Variants in CSMD1 observed in about 807,000 individuals in gnomAD.
CSMD1 encodes the protein CUB and Sushi multiple domains 1.
CSMD1 carries 213 observed loss-of-function variants against 417.5 expected under a neutral mutation model. The observed-to-expected ratio is 0.51, with a 90% CI of 0.46 to 0.57. CSMD1 has a LOEUF of 0.57. Ranked by LOEUF, CSMD1 falls within the 20% of genes least tolerant of loss-of-function variation. The pLI, the probability that CSMD1 is intolerant of heterozygous loss-of-function variation, is 0.00. For missense variants in CSMD1, 6,923 were observed against 4,529.7 expected (o/e 1.53, Z -15.17); for synonymous variants, 2,862 against 1,736.8 (o/e 1.65, Z -16.11).
chr8:3,065,438 T>C lies in CSMD1; in HGVS notation c.7475-12791A>G, dbSNP rs140744003. Reference sequence around the variant, plus strand: ...AATCAGTAGAGAGATGATAGGAAGATAGATACATACAGAGAGATATAGATA... The same window carrying C: ...AATCAGTAGAGAGATGATAGGAAGACAGATACATACAGAGAGATATAGATA... On this transcript the variant is annotated intron_variant, in intron 49 of 69. Coordinates refer to ENST00000635120, the MANE Select transcript of CSMD1 (RefSeq NM_033225.6). Among the ~76,000 whole-genome samples, 71 of 151,878 alleles carry C rather than the reference T, an allele frequency of 4.7e-4. 1 individual carries two copies. The highest frequency in any genetic ancestry group is 1.5e-3 in the South Asian group (7 of 4,810).
intron 50 of CSMD1, among the ~76,000 whole-genome samples, chr8:3,037,183 C>T (rs549251008): frequency 3.3e-5 from 5 of 152,006 alleles, no homozygotes; most frequent in African/African-American, 4.8e-5. Flanking sequence ...AGCAGTATTT[C>T]ATAGTGCATA....
intron 5 of CSMD1, among the ~76,000 whole-genome samples, chr8:3,771,266 G>C (rs116387255): frequency 1.3e-5 from 2 of 152,274 alleles, no homozygotes; most frequent in African/African-American, 4.8e-5. Context: ...CTTGCTTTGA[G>C]GTTAGGTCCA....
At chr8:4,033,754 T>C (rs1182622538) in intron 3 of CSMD1, among the ~76,000 whole-genome samples, 1 of 152,214 alleles carries the variant, frequency 6.6e-6, no homozygotes, top group East Asian at 1.9e-4. Flanking sequence ...GTATTGATTC[T>C]GTTCTTTTTG....
At chr8:3,851,058 T>A (rs1030195150) in intron 5 of CSMD1, among the ~76,000 whole-genome samples, 16 of 152,210 alleles carry the variant, frequency 1.1e-4, no homozygotes, top group African/African-American at 3.9e-4. Flanking sequence ...GAAATGAATG[T>A]AGAAGGAATA....
At chr8:3,284,869 T>C (rs1257567803) in intron 25 of CSMD1, among the ~76,000 whole-genome samples, 1 of 152,232 alleles carries the variant, frequency 6.6e-6, no homozygotes, top group Non-Finnish European at 1.5e-5. Flanking sequence ...CTAAAAATTA[T>C]ATTTTAAAAC....
intron 5 of CSMD1, among the ~76,000 whole-genome samples, chr8:3,896,849 G>C (rs74645193): frequency 7.2e-5 from 11 of 151,914 alleles, no homozygotes; most frequent in Admixed American, 3.3e-4. Flanking sequence ...TAAATGTCAG[G>C]AAAAAAATTT....
chr8:3,316,403 C>T (rs1178746320), intron 23 of CSMD1, among the ~76,000 whole-genome samples: 7 of 152,170 alleles, frequency 4.6e-5, no homozygotes, highest in African/African-American at 1.4e-4. Flanking sequence ...CTATCTTCCC[C>T]TGTCTAATGA....
At chr8:3,174,331 T>A (rs1056683114) in intron 37 of CSMD1, among the ~76,000 whole-genome samples, 3 of 152,128 alleles carry the variant, frequency 2.0e-5, no homozygotes, top group African/African-American at 7.2e-5. Context: ...CTGTATCTAT[T>A]AAGAATACAA....
chr8:3,603,191 C>T (rs915328676), intron 8 of CSMD1, among the ~76,000 whole-genome samples: 2 of 152,164 alleles, frequency 1.3e-5, no homozygotes. Context: ...GCAGTTGATG[C>T]TCTTTGAAAG....
intron 7 of CSMD1, among the ~76,000 whole-genome samples, chr8:3,672,061 C>T (rs2094362928): frequency 6.6e-6 from 1 of 152,134 alleles, no homozygotes; most frequent in African/African-American, 2.4e-5. Context: ...AAGTCAACAT[C>T]TTATCTTACT....
chr8:4,118,363 T>A (rs1426249963), intron 3 of CSMD1, among the ~76,000 whole-genome samples: 1 of 150,352 alleles, frequency 6.7e-6, no homozygotes, highest in East Asian at 2.0e-4. Context: ...CTGACAAATG[T>A]CTAACATCCA....
At chr8:4,175,985 C>T (rs113276381) in intron 3 of CSMD1, among the ~76,000 whole-genome samples, 13 of 152,264 alleles carry the variant, frequency 8.5e-5, no homozygotes, top group African/African-American at 3.1e-4. Context: ...ATTGTATTCT[C>T]TGTCCTTGAG....
chr8:4,595,113 T>G (rs564295042), intron 2 of CSMD1, among the ~76,000 whole-genome samples: 5 of 152,098 alleles, frequency 3.3e-5, no homozygotes, highest in Admixed American at 1.3e-4. Context: ...TTTTAAAAGC[T>G]TGGGGAATTT....
intron 27 of CSMD1, among the ~76,000 whole-genome samples, chr8:3,228,941 C>T (rs1055487565): frequency 1.2e-4 from 18 of 152,052 alleles, no homozygotes; most frequent in African/African-American, 4.1e-4. Context: ...TGCTCACAGA[C>T]GCTATGAAAA....
At chr8:4,349,340 A>G (rs1800954762) in intron 3 of CSMD1, among the ~76,000 whole-genome samples, 1 of 152,202 alleles carries the variant, frequency 6.6e-6, no homozygotes, top group African/African-American at 2.4e-5. Context: ...TGAGTATAAG[A>G]TGTAGGTGTT....
intron 23 of CSMD1, among the ~76,000 whole-genome samples, chr8:3,321,119 G>C (rs1198741496): frequency 6.6e-6 from 1 of 152,068 alleles, no homozygotes; most frequent in African/African-American, 2.4e-5. Context: ...AGCCACCGAA[G>C]GCGTGCAAAG....
intron 1 of CSMD1, among the ~76,000 whole-genome samples, chr8:4,986,882 G>C (rs73499403): frequency 6.6e-6 from 1 of 152,044 alleles, no homozygotes; most frequent in African/African-American, 2.4e-5. Context: ...TAGTGAAAAC[G>C]TTATTAGATT....
intron 1 of CSMD1, among the ~76,000 whole-genome samples, chr8:4,948,922 A>G (rs1039731711): frequency 7.9e-5 from 12 of 152,150 alleles, no homozygotes; most frequent in African/African-American, 1.9e-4. Context: ...TTTCCTGTGG[A>G]TTTTTGGTAG....
At chr8:4,161,317 T>C (rs1245260290) in intron 3 of CSMD1, among the ~76,000 whole-genome samples, 1 of 152,190 alleles carries the variant, frequency 6.6e-6, no homozygotes, top group Non-Finnish European at 1.5e-5. Context: ...AAACAGTAAG[T>C]GACAGAATTA....
Sources: gnomAD v4.1 joint callset for allele counts (sites outside exome capture counted in the v4.1 genomes callset) on GRCh38, gnomAD v4.1.1 for gene constraint, MANE v1.5 for transcripts, NCBI Gene and HGNC (gene_info 2026-07-23, HGNC 2026-07-21) for gene names.